The following ANO1 variants were observed in gnomAD, a reference collection of about 807,000 sequenced individuals.
ANO1 encodes the protein anoctamin-1.
A neutral mutation model predicts 124.0 loss-of-function variants in ANO1; 59 were observed. The observed-to-expected ratio is 0.48, with a 90% CI of 0.39 to 0.59. The LOEUF is 0.59. Ranked by LOEUF, ANO1 falls within the 20% of genes least tolerant of loss-of-function variation. The pLI is 0.00. For missense variants in ANO1, 1,059 were observed against 1,328.0 expected, an observed-to-expected ratio of 0.80 and a Z score of 3.15; for synonymous variants, 529 against 532.0, an observed-to-expected ratio of 0.99 and a Z score of 0.08.
At chr11:70,159,985 G>C (rs569151237) in intron 16 of ANO1, among the ~76,000 whole-genome samples, 2 of 152,150 alleles carry the variant, frequency 1.3e-5, no homozygotes, top group South Asian at 4.2e-4. Flanking sequence ...CGGTGGTAAC[G>C]GCCCAGAACA....
rs187358625 is a variant in ANO1 at position 70,162,239 on chromosome 11, G to A, written c.1892+506G>A. ...GGGACCCCAGGCAGTGAGGACCGGG[G>A]AGTGAGGACCCGGGAGTGAGGGCCC... On this transcript the variant is annotated intron_variant, in intron 18 of 25. Coordinates refer to ENST00000355303, the MANE Select transcript of ANO1 (RefSeq NM_018043.7). Among the ~76,000 whole-genome samples, 1,067 of 148,326 alleles carry A rather than the reference G, an allele frequency of 7.2e-3. 19 individuals carry two copies. Among genetic ancestry groups the A allele is most frequent in the African/African-American group, 0.026 (1,024 of 40,122 alleles).
intron 1 of ANO1, among the ~76,000 whole-genome samples, chr11:70,014,141 C>A (rs565516418): frequency 4.6e-5 from 7 of 151,810 alleles, no homozygotes; most frequent in South Asian, 2.1e-4. Flanking sequence ...AGTTCCATTG[C>A]GGGTGAGAGT....
intron 11 of ANO1, among the ~76,000 whole-genome samples, chr11:70,133,728 T>G (rs972204870): frequency 3.3e-5 from 5 of 152,176 alleles, no homozygotes; most frequent in Non-Finnish European, 5.9e-5. Flanking sequence ...CAGGCTCAGG[T>G]TATCCTCCTG....
intron 1 of ANO1, among the ~76,000 whole-genome samples, chr11:70,044,107 T>C (rs1366673457): frequency 2.6e-5 from 4 of 151,912 alleles, no homozygotes; most frequent in African/African-American, 4.8e-5. Flanking sequence ...TGTGAAGGGG[T>C]ATAATATTTG....
At chr11:70,116,536 A>G (rs2515245) in intron 8 of ANO1, 37 bp downstream of exon 8, 1,362,065 of 1,566,054 alleles carry the variant, frequency 0.87, 593,575 homozygotes, top group Admixed American at 0.92. Flanking sequence ...TGGCTCTGTC[A>G]GAGCCTGGAG....
At chr11:70,019,325 C>A (rs1856760279) in intron 1 of ANO1, among the ~76,000 whole-genome samples, 1 of 149,646 alleles carries the variant, frequency 6.7e-6, no homozygotes, top group Non-Finnish European at 1.5e-5. Context: ...CATGCACACA[C>A]ACGCACGCAC....
intron 1 of ANO1, among the ~76,000 whole-genome samples, chr11:70,070,252 GC>G (rs1459809389): frequency 5.3e-5 from 8 of 152,126 alleles, no homozygotes; most frequent in African/African-American, 1.9e-4. Flanking sequence ...ACCTGGAGCC[GC>G]CATTCTAGCC....
intron 11 of ANO1, among the ~76,000 whole-genome samples, chr11:70,134,069 G>A (rs1400532360): frequency 1.3e-5 from 2 of 152,164 alleles, no homozygotes; most frequent in Admixed American, 6.5e-5. Context: ...TCCTCACCCT[G>A]GAATCTTATT....
chr11:70,155,259 A>G (rs745430074), intron 14 of ANO1, among the ~76,000 whole-genome samples: 8 of 152,188 alleles, frequency 5.3e-5, no homozygotes, highest in Non-Finnish European at 1.2e-4. Flanking sequence ...GAAGGAAGCC[A>G]CCTCTTGGAT....
chr11:69,999,687 G>T (rs1435946422), intron 1 of ANO1, among the ~76,000 whole-genome samples: 2 of 152,172 alleles, frequency 1.3e-5, no homozygotes, highest in African/African-American at 2.4e-5. Context: ...TCAATGCCTA[G>T]CACAGGGACT....
intron 1 of ANO1, among the ~76,000 whole-genome samples, chr11:70,016,977 C>T (rs1555002032): frequency 6.6e-6 from 1 of 152,214 alleles, no homozygotes; most frequent in Non-Finnish European, 1.5e-5. Context: ...ACTTAGTTTA[C>T]TTTCTTTCTT....
chr11:69,967,743 G>C, the ANO1 span, among the ~76,000 whole-genome samples: 16 of 152,352 alleles, frequency 1.1e-4, no homozygotes, highest in African/African-American at 3.8e-4. Flanking sequence ...CTGGTCCGGT[G>C]AGGGCTGTGA....
At chr11:70,073,109 A>C (rs150623456) in intron 1 of ANO1, among the ~76,000 whole-genome samples, 1 of 152,276 alleles carries the variant, frequency 6.6e-6, no homozygotes, top group East Asian at 1.9e-4. Context: ...GCAATCTGGA[A>C]CTTTTACTCT....
In ANO1 at chr11:70,069,883, G is replaced by A. The variant is rs114460870; in HGVS notation, c.59-8659G>A. 4.8e-3 allele frequency among the ~76,000 whole-genome samples: 726 copies of A among 152,254 alleles called. 2 individuals carry two copies. The highest frequency in any genetic ancestry group is 0.016 in the African/African-American group (675 of 41,562). Reference sequence around the variant, plus strand: ...GCCATTGGGGAGGAGATCCCATGTCGGGTCCATTTTTAACCCTTTGGGGAT... The same window carrying A: ...GCCATTGGGGAGGAGATCCCATGTCAGGTCCATTTTTAACCCTTTGGGGAT... On this transcript the variant is annotated intron_variant, in intron 1 of 27. Transcript: ENST00000531349.
intron 1 of ANO1, chr11:70,085,260 C>A: frequency 8.0e-6 from 4 of 501,974 alleles, no homozygotes; most frequent in South Asian, 8.6e-5. Context: ...GAACCCCGTC[C>A]TTCATGGGGC....
At chr11:70,186,400 A>AGGAAGGAAGGAAGGAAGAC (rs1405874430) in intron 25 of ANO1, among the ~76,000 whole-genome samples, 31 of 150,650 alleles carry the variant, frequency 2.1e-4, no homozygotes, top group Non-Finnish European at 3.6e-4. Flanking sequence ...GGAAGGAAGA[A>AGGAAGGAAGGAAGGAAGAC]AGACATGGAG....
intron 1 of ANO1, among the ~76,000 whole-genome samples, chr11:70,044,919 T>C (rs1183079979): frequency 6.6e-6 from 1 of 152,192 alleles, no homozygotes; most frequent in Non-Finnish European, 1.5e-5. Flanking sequence ...GCATGAGATT[T>C]GAATAAAGAC....
At chr11:69,982,704 C>T (rs1258557304), upstream of ANO1, among the ~76,000 whole-genome samples, 1 of 152,166 alleles carries the variant, frequency 6.6e-6, no homozygotes, top group African/African-American at 2.4e-5. Flanking sequence ...AGGCCATAGG[C>T]CCGGCTTCTG....
intron 1 of ANO1, among the ~76,000 whole-genome samples, chr11:70,067,575 G>A (rs1857762943): frequency 6.6e-6 from 1 of 152,204 alleles, no homozygotes; most frequent in Admixed American, 6.5e-5. Flanking sequence ...TGATCCGTCT[G>A]CCTCAGCCTC....
Sources: gnomAD v4.1 joint callset for allele counts (sites outside exome capture counted in the v4.1 genomes callset) on GRCh38, gnomAD v4.1.1 for gene constraint, MANE v1.5 for transcripts, NCBI Gene and HGNC (gene_info 2026-07-23, HGNC 2026-07-21) for gene names.